DYM: variants seen among roughly 807,000 people sequenced by gnomAD.
DYM encodes the protein dyggve-Melchior-Clausen syndrome protein.
DYM carries 78 observed loss-of-function variants against 93.1 expected under a neutral mutation model. That is an observed-to-expected ratio of 0.84 (90% confidence interval 0.70 to 1.01). The LOEUF (loss-of-function observed/expected upper bound fraction) is 1.01. Ranked by LOEUF, DYM falls within the 50% of genes least tolerant of loss-of-function variation. The probability of loss-of-function intolerance (pLI) is 0.00; values close to 1 mark genes in which losing one functional copy is unlikely to be tolerated. For synonymous variants in DYM, 321 were observed against 319.7 expected (o/e 1.00, Z -0.04); for missense variants, 789 against 845.0 (o/e 0.93, Z 0.82).
At chr18:49,306,972 T>C (rs1332327108) in intron 8 of DYM, among the ~76,000 whole-genome samples, 1 of 152,092 alleles carries the variant, frequency 6.6e-6, no homozygotes, top group Non-Finnish European at 1.5e-5. Context: ...TGGTTCTCTC[T>C]CACCCCACTC....
intron 15 of DYM, among the ~76,000 whole-genome samples, chr18:49,154,087 A>G (rs1174207639): frequency 1.3e-5 from 2 of 152,136 alleles, no homozygotes; most frequent in African/African-American, 4.8e-5. Context: ...CAATCTAATC[A>G]TGAGAAAACA....
chr18:49,066,162 C>T (rs1167128073), intron 17 of DYM, among the ~76,000 whole-genome samples: 1 of 150,202 alleles, frequency 6.7e-6, no homozygotes, highest in African/African-American at 2.4e-5. Flanking sequence ...TACTTTTGCA[C>T]CAACCTATAG....
intron 13 of DYM, among the ~76,000 whole-genome samples, chr18:49,227,414 C>T (rs544338950): frequency 5.3e-5 from 8 of 152,158 alleles, no homozygotes; most frequent in Non-Finnish European, 7.4e-5. Flanking sequence ...TGCTACATAA[C>T]GGTAAGAGTT....
At chr18:49,307,879 G>C (rs529205448) in intron 8 of DYM, among the ~76,000 whole-genome samples, 41 of 152,276 alleles carry the variant, frequency 2.7e-4, no homozygotes, top group African/African-American at 9.9e-4. Context: ...CTGCTTGACA[G>C]CAAGAATTTG....
In DYM at chr18:49,150,598, T is replaced by G. The variant is rs571352700; in HGVS notation, c.1728+13087A>C. ...CAAGGACTGTGAGGAAATAGATTTC[T>G]GTTGTTCAAACCACCCAGTCTACAT... On this transcript the variant is annotated intron_variant, in intron 15 of 17. Transcript: ENST00000675505. Among the ~76,000 whole-genome samples, 3 of 152,338 alleles carry G rather than the reference T, an allele frequency of 2.0e-5. No individual in the cohort carries two copies. The South Asian group carries it at 6.2e-4, about 32-fold the overall frequency.
At chr18:49,210,351 T>G (rs1428361929) in intron 13 of DYM, among the ~76,000 whole-genome samples, 1 of 152,154 alleles carries the variant, frequency 6.6e-6, no homozygotes, top group African/African-American at 2.4e-5. Context: ...CGGTGGTACA[T>G]CTAGACGATG....
At chr18:49,070,770 T>C (rs2076819666) in intron 17 of DYM, among the ~76,000 whole-genome samples, 1 of 152,078 alleles carries the variant, frequency 6.6e-6, no homozygotes, top group Admixed American at 6.6e-5. Flanking sequence ...GACAAGAAAA[T>C]CTCTATTGCA....
chr18:49,394,936 T>C (rs774810695), intron 2 of DYM, among the ~76,000 whole-genome samples: 4 of 152,150 alleles, frequency 2.6e-5, no homozygotes, highest in African/African-American at 4.8e-5. Flanking sequence ...AAACTGAATA[T>C]TCACATGCAG....
chr18:49,279,278 T>C (rs1300776278), intron 10 of DYM, among the ~76,000 whole-genome samples: 2 of 152,180 alleles, frequency 1.3e-5, no homozygotes, highest in Non-Finnish European at 2.9e-5. Flanking sequence ...CCTCCAGCCT[T>C]ATGGGATTTA....
At chr18:49,417,559 C>T (rs2148289469) in intron 2 of DYM, among the ~76,000 whole-genome samples, 1 of 151,726 alleles carries the variant, frequency 6.6e-6, no homozygotes, top group Non-Finnish European at 1.5e-5. Flanking sequence ...ATATGCCCCC[C>T]CATTAAAAAG....
intron 14 of DYM, among the ~76,000 whole-genome samples, chr18:49,202,240 G>A (rs2092052379): frequency 6.6e-6 from 1 of 152,240 alleles, no homozygotes; most frequent in Admixed American, 6.5e-5. Flanking sequence ...AGAGCTTGTG[G>A]TGAGCCATTC....
chr18:49,338,646 T>C (rs1441016652), intron 6 of DYM, among the ~76,000 whole-genome samples: 1 of 152,164 alleles, frequency 6.6e-6, no homozygotes, highest in Non-Finnish European at 1.5e-5. Context: ...TTACGATTAC[T>C]CCACAAATCA....
At chr18:49,107,579 G>T (rs2080967320) in intron 16 of DYM, among the ~76,000 whole-genome samples, 1 of 152,154 alleles carries the variant, frequency 6.6e-6, no homozygotes, top group African/African-American at 2.4e-5. Context: ...TACAGATGGG[G>T]TTTTGGTGTG....
intron 2 of DYM, among the ~76,000 whole-genome samples, chr18:49,424,740 A>G (rs1280091557): frequency 6.6e-6 from 1 of 152,222 alleles, no homozygotes. Flanking sequence ...GCATTCTTAT[A>G]CACCAATAAC....
At chr18:49,327,490 G>C (rs557637311) in intron 8 of DYM, among the ~76,000 whole-genome samples, 64 of 152,092 alleles carry the variant, frequency 4.2e-4, no homozygotes, top group Non-Finnish European at 5.9e-4. Flanking sequence ...CTAAGTAGCG[G>C]GGTCTGCAGG....
chr18:49,312,528 T>C (rs570559269), intron 8 of DYM, among the ~76,000 whole-genome samples: 2 of 152,286 alleles, frequency 1.3e-5, no homozygotes, highest in East Asian at 3.9e-4. Context: ...CAGGGAGAAC[T>C]TTCCCACCTT....
intron 5 of DYM, among the ~76,000 whole-genome samples, chr18:49,367,997 A>C (rs768909411): frequency 2.6e-5 from 4 of 152,230 alleles, no homozygotes; most frequent in Non-Finnish European, 4.4e-5. Flanking sequence ...TATTAGATTT[A>C]AACTTCTAAT....
At chr18:49,200,466 T>C (rs937780154) in intron 14 of DYM, among the ~76,000 whole-genome samples, 3 of 151,816 alleles carry the variant, frequency 2.0e-5, no homozygotes, top group Admixed American at 6.6e-5. Flanking sequence ...GTATAGAAGC[T>C]TATATTCTTT....
intron 13 of DYM, among the ~76,000 whole-genome samples, chr18:49,217,036 A>C (rs1156635346): frequency 7.2e-5 from 11 of 152,338 alleles, no homozygotes; most frequent in African/African-American, 2.6e-4. Flanking sequence ...TAACTAGAAT[A>C]ATCAATAGAG....
Sources: allele counts gnomAD v4.1 joint callset (sites outside exome capture counted in the v4.1 genomes callset), GRCh38; gene constraint gnomAD v4.1.1; transcripts MANE v1.5; gene names NCBI Gene and HGNC (gene_info 2026-07-23, HGNC 2026-07-21).